HMGXB4: variants seen among roughly 807,000 people sequenced by gnomAD.
HMGXB4 encodes HMG-box containing 4.
HMGXB4 carries 27 observed loss-of-function variants against 63.9 expected under a neutral mutation model. The ratio of observed to expected loss-of-function variants is 0.42; its 90% CI spans 0.31 to 0.58. The LOEUF is 0.58. HMGXB4 is among the 20% of genes least tolerant of loss of function. The pLI, the probability that HMGXB4 is intolerant of heterozygous loss-of-function variation, is 0.13. For missense variants in HMGXB4, 624 were observed against 700.7 expected, an observed-to-expected ratio of 0.89 and a Z score of 1.24; for synonymous variants, 264 against 265.3, an observed-to-expected ratio of 0.99 and a Z score of 0.05.
intron 5 of HMGXB4, among the ~76,000 whole-genome samples, chr22:35,278,424 C>T (rs1357152138): frequency 3.3e-5 from 5 of 152,160 alleles, no homozygotes; most frequent in Non-Finnish European, 1.5e-5. Context: ...GTAAGAACCA[C>T]CAAACTGTTT....
chr22:35,269,808 G>C (rs1434253667), intron 5 of HMGXB4, among the ~76,000 whole-genome samples: 1 of 152,050 alleles, frequency 6.6e-6, no homozygotes, highest in Admixed American at 6.5e-5. Flanking sequence ...AGAGTTCAAG[G>C]CTGGCCTGGG....
At chr22:35,281,417 A>G (rs113255620) in intron 5 of HMGXB4, among the ~76,000 whole-genome samples, 98 of 152,336 alleles carry the variant, frequency 6.4e-4, no homozygotes, top group Non-Finnish European at 1.2e-3. Context: ...ACATAATCGA[A>G]TAAAGTCCTT....
At chr22:35,287,724 G>A (rs1273202250) in intron 8 of HMGXB4, among the ~76,000 whole-genome samples, 6 of 151,840 alleles carry the variant, frequency 4.0e-5, no homozygotes, top group Admixed American at 6.6e-5. Flanking sequence ...CAAGGTGGGC[G>A]GATCACCTGA....
chr22:35,291,257 C>A (rs562656139), intron 9 of HMGXB4, among the ~76,000 whole-genome samples: 94 of 152,164 alleles, frequency 6.2e-4, no homozygotes, highest in South Asian at 2.9e-3. Flanking sequence ...CAGAGTGAGA[C>A]CCTGTCTCAA....
At chr22:35,267,149 TATATA>T (rs3074343) in intron 5 of HMGXB4, among the ~76,000 whole-genome samples, 2 of 93,284 alleles carry the variant, frequency 2.1e-5, no homozygotes, top group Non-Finnish European at 2.9e-5. Flanking sequence ...TGTGTGTGTA[TATATA>T]ATATATATAA....
At chr22:35,256,088 G>C (rs80244771), upstream of HMGXB4, among the ~76,000 whole-genome samples, 1,374 of 152,302 alleles carry the variant, frequency 9.0e-3, 12 homozygotes, top group Admixed American at 0.027. Flanking sequence ...CAGTGCAGAG[G>C]GGGAGAGAGC....
intron 9 of HMGXB4, 24 bp downstream of exon 9, chr22:35,288,431 G>T: frequency 6.5e-7 from 1 of 1,539,004 alleles, no homozygotes; most frequent in South Asian, 1.2e-5. Flanking sequence ...TCAGCAGCAT[G>T]ACTACAGTTT....
At chr22:35,260,031 C>T (rs1922743930) in intron 1 of HMGXB4, among the ~76,000 whole-genome samples, 2 of 152,166 alleles carry the variant, frequency 1.3e-5, no homozygotes, top group South Asian at 4.1e-4. Flanking sequence ...TTCTTTCTTT[C>T]TGTCTTCAGA....
chr22:35,291,581 G>A (rs924200463), intron 9 of HMGXB4, among the ~76,000 whole-genome samples: 13 of 152,126 alleles, frequency 8.5e-5, no homozygotes, highest in African/African-American at 3.1e-4. Context: ...TAGGGCAAAG[G>A]AAATGGAACA....
At chr22:35,290,556 A>G (rs1924866349) in intron 9 of HMGXB4, among the ~76,000 whole-genome samples, 1 of 147,974 alleles carries the variant, frequency 6.8e-6, no homozygotes, top group Non-Finnish European at 1.5e-5. Flanking sequence ...GCGTGAACCC[A>G]GGAGGCGGAG....
Position 35,258,963 on chromosome 22 carries a change from C to G in HMGXB4, c.-69+1406C>G, listed in dbSNP as rs73420613. ...AAGAAGGTTGTTGATTGCAGGAGCT[C>G]AAGTTACCTCAAAAAAAGTCTGAAA... is the stretch of plus-strand genomic sequence containing the variant. On this transcript the variant is annotated intron_variant, in intron 1 of 10. Transcript: ENST00000216106. Among the ~76,000 whole-genome samples, 1,191 of 152,268 alleles carry G rather than the reference C, an allele frequency of 7.8e-3. 10 individuals are homozygous for G. The highest frequency in any genetic ancestry group is 0.028 in the African/African-American group (1,147 of 41,552).
rs751923398 is a variant in HMGXB4 at position 35,284,052 on chromosome 22, A to T, written c.1297+9A>T. 6.3e-7 allele frequency: 1 copy of T among 1,591,550 alleles called. No individual in the cohort carries two copies. Among genetic ancestry groups the T allele is most frequent in the South Asian group, 1.1e-5 (1 of 90,552 alleles). On this transcript the variant is annotated intron_variant, in intron 6 of 10. Coordinates refer to ENST00000216106, the MANE Select transcript of HMGXB4 (RefSeq NM_001003681.3). ...TGACCATCCAGGTATAGGTAAGAAC[A>T]TTACTGATCTGTAGCGCTTTTGCTT...
At chr22:35,291,356 G>A (rs1464799349) in intron 9 of HMGXB4, among the ~76,000 whole-genome samples, 1 of 152,110 alleles carries the variant, frequency 6.6e-6, no homozygotes, top group Admixed American at 6.6e-5. Context: ...AATTGCAGAG[G>A]GACTTCATAG....
upstream of HMGXB4, among the ~76,000 whole-genome samples, chr22:35,252,469 T>G (rs888024135): frequency 1.3e-5 from 2 of 152,232 alleles, no homozygotes; most frequent in Non-Finnish European, 2.9e-5. Context: ...CATGCAATAT[T>G]TGTCCCTCTG....
intron 9 of HMGXB4, among the ~76,000 whole-genome samples, chr22:35,290,401 T>A (rs1282097380): frequency 6.6e-6 from 1 of 151,938 alleles, no homozygotes; most frequent in Non-Finnish European, 1.5e-5. Context: ...ATCCCAGCAC[T>A]TTGGGAGGCC....
the HMGXB4 span, among the ~76,000 whole-genome samples, chr22:35,250,019 G>A: frequency 2.1e-5 from 2 of 96,250 alleles, 1 homozygote; most frequent in Non-Finnish European, 5.8e-5. Context: ...AGGAACTGAC[G>A]CCACATACCA....
At position 35,264,858 on chromosome 22, in the gene HMGXB4, G is replaced by T; in HGVS notation, c.470G>T (p.Gly157Val). Residue 157 changes from glycine to valine, a missense_variant, in exon 5 of 11, where the codon GGG becomes GTG. This residue lies in a region of HMGXB4 where 472 missense variants were observed against 470.6 expected (regional missense o/e 1.00). Transcript: ENST00000216106. ...HHRKKVSGSS[G>V]ELPLEDGGSH... ...AGGAAGAAAGTCAGTGGAAGCAGTG[G>T]GGAACTACCCCTAGAGGATGGTGGC... 6.2e-7 allele frequency: 1 copy of T among 1,614,068 alleles called. No homozygotes were observed. Among genetic ancestry groups the T allele is most frequent in the Non-Finnish European group, 8.5e-7 (1 of 1,179,994 alleles).
chr22:35,263,483 A>G (rs1398809967), intron 3 of HMGXB4, among the ~76,000 whole-genome samples: 1 of 152,018 alleles, frequency 6.6e-6, no homozygotes, highest in African/African-American at 2.4e-5. Flanking sequence ...GGGTTTCACC[A>G]TGTTGGCCAG....
chr22:35,262,515 C>T (rs1922927250), intron 2 of HMGXB4, 94 bp downstream of exon 2: 1 of 1,227,180 alleles, frequency 8.1e-7, no homozygotes, highest in Non-Finnish European at 1.2e-6. Context: ...GGCACCACAG[C>T]CTGGACTCCC....
Sources: allele counts gnomAD v4.1 joint callset (sites outside exome capture counted in the v4.1 genomes callset), GRCh38; gene constraint gnomAD v4.1.1; regional missense constraint gnomAD v4.1.1; transcripts MANE v1.5; gene names NCBI Gene and HGNC (gene_info 2026-07-23, HGNC 2026-07-21).